The following PPP1R1C variants were observed in gnomAD, a reference collection of about 807,000 sequenced individuals.
PPP1R1C encodes the protein protein phosphatase 1 regulatory subunit 1C.
A neutral mutation model predicts 17.4 loss-of-function variants in PPP1R1C; 15 were observed. The ratio of observed to expected loss-of-function variants is 0.86; its 90% CI spans 0.58 to 1.33. PPP1R1C has a LOEUF of 1.33. Ranked by LOEUF, PPP1R1C falls within the 40% of genes most tolerant of loss-of-function variation. The pLI, the probability that PPP1R1C is intolerant of heterozygous loss-of-function variation, is 0.00. For synonymous variants in PPP1R1C, 35 were observed against 43.1 expected (o/e 0.81, Z 0.73); for missense variants, 143 against 130.0 (o/e 1.10, Z -0.48).
intron 4 of PPP1R1C, among the ~76,000 whole-genome samples, chr2:182,110,393 G>A (rs1689381173): frequency 6.6e-6 from 1 of 152,176 alleles, no homozygotes; most frequent in Non-Finnish European, 1.5e-5. Flanking sequence ...ACTATCAGGT[G>A]AAGACAATAT....
chr2:181,968,038 C>T (rs1559040314), intron 1 of PPP1R1C, among the ~76,000 whole-genome samples: 1 of 152,184 alleles, frequency 6.6e-6, no homozygotes, highest in African/African-American at 2.4e-5. Flanking sequence ...TAGTTTTACT[C>T]CATTGTGATC....
downstream of PPP1R1C, among the ~76,000 whole-genome samples, chr2:182,119,402 A>G (rs369917280): frequency 2.8e-4 from 43 of 152,236 alleles, no homozygotes; most frequent in African/African-American, 9.4e-4. Context: ...ATGATTTATA[A>G]TCCTTTGGGT....
Position 182,009,673 on chromosome 2 carries a change from G to C in PPP1R1C, c.142+21774G>C, listed in dbSNP as rs556212671. ...CATTTTTGCTTAGTTGCCTGTGCTT[G>C]TGAGGTATCATTCAAGAAATATTTG... On this transcript the variant is annotated intron_variant, in intron 2 of 4. Transcript: ENST00000682840. Among the ~76,000 whole-genome samples, 8 of 152,084 alleles carry C rather than the reference G, an allele frequency of 5.3e-5. No homozygotes were observed. The South Asian group carries it at 1.7e-3, about 32-fold the overall frequency.
chr2:182,051,415 A>G (rs1018759482), intron 2 of PPP1R1C, among the ~76,000 whole-genome samples: 1 of 152,212 alleles, frequency 6.6e-6, no homozygotes, highest in African/African-American at 2.4e-5. Context: ...GTGCAGGCCT[A>G]TACAGGGAGA....
chr2:182,099,523 A>G (rs1054418958), intron 4 of PPP1R1C, among the ~76,000 whole-genome samples: 30 of 152,200 alleles, frequency 2.0e-4, no homozygotes, highest in African/African-American at 7.0e-4. Context: ...ATACAAGGAT[A>G]ATTTAGGCAA....
At chr2:182,102,657 A>C (rs965979573) in intron 4 of PPP1R1C, among the ~76,000 whole-genome samples, 7 of 152,222 alleles carry the variant, frequency 4.6e-5, no homozygotes, top group Non-Finnish European at 7.3e-5. Flanking sequence ...ATGAAATTCA[A>C]TATGGGATTT....
At chr2:182,078,024 C>CA (rs1414177361) in intron 4 of PPP1R1C, among the ~76,000 whole-genome samples, 1 of 151,900 alleles carries the variant, frequency 6.6e-6, no homozygotes, top group East Asian at 1.9e-4. Context: ...CTTGAAAATG[C>CA]AAAAAAATTA....
At chr2:181,989,079 G>A (rs1306951919) in intron 2 of PPP1R1C, among the ~76,000 whole-genome samples, 1 of 152,072 alleles carries the variant, frequency 6.6e-6, no homozygotes, top group East Asian at 1.9e-4. Flanking sequence ...TTCTCGATTT[G>A]GGGGTAATTT....
intron 2 of PPP1R1C, among the ~76,000 whole-genome samples, chr2:182,032,843 C>G (rs1686887159): frequency 6.6e-6 from 1 of 152,126 alleles, no homozygotes; most frequent in Non-Finnish European, 1.5e-5. Flanking sequence ...ATGCTTTCTC[C>G]TTAAGTTATC....
chr2:182,022,514 A>G (rs1166198797), intron 2 of PPP1R1C, among the ~76,000 whole-genome samples: 1 of 152,252 alleles, frequency 6.6e-6, no homozygotes, highest in African/African-American at 2.4e-5. Context: ...ATCCCAACTC[A>G]GAGTGGCTGT....
At chr2:182,081,344 A>G (rs1688469588) in intron 4 of PPP1R1C, among the ~76,000 whole-genome samples, 1 of 152,188 alleles carries the variant, frequency 6.6e-6, no homozygotes, top group South Asian at 2.1e-4. Context: ...TTCAAGTTTC[A>G]GTTTCCGGGT....
intron 2 of PPP1R1C, among the ~76,000 whole-genome samples, chr2:182,026,659 G>A (rs1686622733): frequency 1.3e-5 from 2 of 152,228 alleles, no homozygotes; most frequent in South Asian, 2.1e-4. Context: ...CTCCAGCTTC[G>A]TTCTTTTGGC....
chr2:182,002,933 C>G (rs375715890), intron 2 of PPP1R1C, among the ~76,000 whole-genome samples: 5,566 of 137,396 alleles, frequency 0.041, 450 homozygotes, highest in African/African-American at 0.14. Flanking sequence ...ATAAACCTCC[C>G]CCCCCCCACA....
chr2:181,981,290 G>C (rs758638787), upstream of PPP1R1C, among the ~76,000 whole-genome samples: 1 of 152,172 alleles, frequency 6.6e-6, no homozygotes, highest in African/African-American at 2.4e-5. Flanking sequence ...AATCATTGAT[G>C]TTTGCCTTTA....
In PPP1R1C at chr2:182,077,338, T is replaced by A. The variant is rs555680203; in HGVS notation, c.241+13547T>A. On this transcript the variant is annotated intron_variant, in intron 4 of 4. Coordinates refer to ENST00000682840, the MANE Select transcript of PPP1R1C (RefSeq NM_001080545.3). ...AAACGCCTGATCGTCTTAATTTTTA[T>A]GTGAATCGACTTTAATTAACATATA... 9.0e-4 allele frequency among the ~76,000 whole-genome samples: 137 copies of A among 152,360 alleles called. 2 individuals carry two copies. Among genetic ancestry groups the A allele is most frequent in the Non-Finnish European group, 3.5e-4 (24 of 68,038 alleles).
chr2:182,012,687 C>T (rs998613972), intron 2 of PPP1R1C, among the ~76,000 whole-genome samples: 3 of 151,800 alleles, frequency 2.0e-5, no homozygotes, highest in African/African-American at 7.2e-5. Flanking sequence ...TTCCTTCAGT[C>T]CTTGTCTTCC....
chr2:182,002,918 A>C (rs1437914096), intron 2 of PPP1R1C, among the ~76,000 whole-genome samples: 1 of 138,636 alleles, frequency 7.2e-6, no homozygotes, highest in South Asian at 2.4e-4. Flanking sequence ...ACCAAGAGTG[A>C]TGCCATAAAC....
At chr2:182,066,600 T>C (rs1003407869) in intron 4 of PPP1R1C, among the ~76,000 whole-genome samples, 4 of 152,132 alleles carry the variant, frequency 2.6e-5, no homozygotes, top group Non-Finnish European at 4.4e-5. Flanking sequence ...ATTAGATAAA[T>C]TGTTGTATTT....
chr2:182,034,145 C>T (rs570634248), intron 2 of PPP1R1C, among the ~76,000 whole-genome samples: 5 of 152,234 alleles, frequency 3.3e-5, no homozygotes, highest in South Asian at 2.1e-4. Flanking sequence ...CCTACTATGT[C>T]TAGGAAACTG....
Sources: gnomAD v4.1 joint callset for allele counts (sites outside exome capture counted in the v4.1 genomes callset) on GRCh38, gnomAD v4.1.1 for gene constraint, MANE v1.5 for transcripts, NCBI Gene and HGNC (gene_info 2026-07-23, HGNC 2026-07-21) for gene names.